Variants in ZFP82 observed in about 807,000 individuals in gnomAD.
ZFP82 encodes the protein ZFP82 zinc finger protein, also known as zinc finger protein 82 homolog.
ZFP82 carries 30 observed loss-of-function variants against 54.0 expected under a neutral mutation model. That is an observed-to-expected ratio of 0.56 (90% CI 0.42 to 0.75). The LOEUF is 0.75. ZFP82 is among the 30% of genes least tolerant of loss of function. The pLI is 0.00. For synonymous variants in ZFP82, 194 were observed against 209.5 expected (o/e 0.93, Z 0.64); for missense variants, 500 against 636.8 (o/e 0.79, Z 2.31).
chr19:36,384,385 G>A (rs1234137656), downstream of ZFP82: 2 of 152,142 alleles, frequency 1.3e-5, no homozygotes, highest in Non-Finnish European at 2.9e-5. Context: ...TCATACATCT[G>A]CCATAATGCT....
downstream of ZFP82, among the ~76,000 whole-genome samples, chr19:36,384,940 T>C (rs966248938): frequency 6.6e-6 from 1 of 152,182 alleles, no homozygotes; most frequent in Non-Finnish European, 1.5e-5. Context: ...AATCTATGAA[T>C]AGAGTGACAT....
chr19:36,391,354 TGAA>T lies in ZFP82; in HGVS notation c.*1384_*1386del, dbSNP rs370892904. ...ACAATTTAGCATTTTTAAAAAACAA[TGAA>T]GTAGTTTAAAAAATTAATGGGGCTT... On this transcript the variant is annotated 3_prime_UTR_variant, in exon 5 of 5. Transcript: ENST00000392161. 1.4e-4 allele frequency: 21 copies of T among 152,010 alleles called. No individual in the cohort carries two copies. Among genetic ancestry groups the T allele is most frequent in the African/African-American group, 4.8e-4 (20 of 41,404 alleles). 9.4% of individuals were successfully genotyped at this position (152,010 alleles called of 1,614,324 possible).
chr19:36,410,688 A>C (rs1252262790), intron 1 of ZFP82, among the ~76,000 whole-genome samples: 1 of 151,848 alleles, frequency 6.6e-6, no homozygotes, highest in East Asian at 1.9e-4. Context: ...TTTTTAGTAG[A>C]GACCAGGTTT....
At position 36,400,957 on chromosome 19, in the gene ZFP82, T is replaced by C. The variant is rs937602837; in HGVS notation, c.229+4623A>G. ...TTTCTTGACAAGCTTACCAGGATTC[T>C]CCATCTTGCTGGAACCTGGGGTCAA... On this transcript the variant is annotated intron_variant, in intron 4 of 4. Coordinates refer to ENST00000392161, the MANE Select transcript of ZFP82 (RefSeq NM_133466.4). 2.6e-5 allele frequency among the ~76,000 whole-genome samples: 4 copies of C among 152,330 alleles called. No individual in the cohort carries two copies. In the South Asian group the frequency reaches 8.3e-4, roughly 32 times the overall value.
At position 36,393,269 on chromosome 19, in the gene ZFP82, C is replaced by T; in HGVS notation, c.1071G>A (p.Gln357=). 1 of 1,613,898 alleles carries T rather than the reference C, an allele frequency of 6.2e-7. No homozygotes were observed. Among genetic ancestry groups the T allele is most frequent in the Non-Finnish European group, 8.5e-7 (1 of 1,179,976 alleles). The stretch of plus-strand genomic sequence containing the variant: ...AGGGTTTCTCACCAGTATGAATTCT[C>T]TGATGGAGTGTTAGTTGTTGTCGCA... ...FRVRQQLTLH[Q]RIHTGEKPYE... is the part of the protein sequence containing the mutation. Residue 357 remains glutamine, a synonymous_variant, in exon 5 of 5, where the codon CAG becomes CAA. Transcript: ENST00000392161.
chr19:36,394,347 G>A lies in ZFP82; in HGVS notation c.230-237C>T, dbSNP rs2032260389. 3 of 463,152 alleles carry A rather than the reference G, an allele frequency of 6.5e-6. No homozygotes were observed. The East Asian group carries it at 1.3e-4, about 20-fold the overall frequency. The allele number at this position is 463,152 out of a possible 1,614,324, so 28.7% of individuals were successfully genotyped here. A position where few individuals can be genotyped will look rare whatever the true frequency, so the allele number is the denominator to read the frequency against. ...TTAAGTCAGTGGTTCTCATATTGAG[G>A]TGTGGATCAGAATCACCACATAGCT... On this transcript the variant is annotated intron_variant, in intron 4 of 4. Coordinates refer to ENST00000392161, the MANE Select transcript of ZFP82 (RefSeq NM_133466.4).
chr19:36,397,771 A>G (rs905583804), intron 4 of ZFP82, among the ~76,000 whole-genome samples: 5 of 151,962 alleles, frequency 3.3e-5, no homozygotes, highest in African/African-American at 1.2e-4. Flanking sequence ...TACTTTTAGT[A>G]GAGACGGGAT....
At chr19:36,409,245 C>T (rs1369613838) in intron 2 of ZFP82, among the ~76,000 whole-genome samples, 1 of 152,108 alleles carries the variant, frequency 6.6e-6, no homozygotes, top group Non-Finnish European at 1.5e-5. Context: ...GGCCAACTAA[C>T]AGCAACTCTT....
chr19:36,393,330 G>A lies in ZFP82; in HGVS notation c.1010C>T (p.Pro337Leu). 1 of 1,613,882 alleles carries A rather than the reference G, an allele frequency of 6.2e-7. No homozygotes were observed. The highest frequency in any genetic ancestry group is 8.5e-7 in the Non-Finnish European group (1 of 1,179,984). ...VHHKLHTGEKPYECKECGKAF... is the reference protein window; with the variant it reads ...VHHKLHTGEKLYECKECGKAF... ...CTTCCCGCATTCCTTACATTCATAG[G>A]GTTTCTCACCAGTATGAAGTTTGTG... Residue 337 changes from proline to leucine, a missense_variant, in exon 5 of 5, where the codon CCC becomes CTC. Coordinates refer to ENST00000392161, the MANE Select transcript of ZFP82 (RefSeq NM_133466.4).
At chr19:36,396,675 A>C (rs1185281630) in intron 4 of ZFP82, among the ~76,000 whole-genome samples, 1 of 151,796 alleles carries the variant, frequency 6.6e-6, no homozygotes, top group Non-Finnish European at 1.5e-5. Context: ...TACATACATA[A>C]ATAAAGTAAT....
intron 1 of ZFP82, among the ~76,000 whole-genome samples, chr19:36,415,371 T>C (rs2967504): frequency 0.64 from 97,074 of 151,940 alleles, 31,102 homozygotes; most frequent in Admixed American, 0.68. Context: ...CTAAATATAG[T>C]TGGCAGCTTA....
At chr19:36,403,174 T>C (rs533811042) in intron 4 of ZFP82, among the ~76,000 whole-genome samples, 2 of 149,986 alleles carry the variant, frequency 1.3e-5, no homozygotes, top group South Asian at 4.2e-4. Flanking sequence ...ACAAAAAAAA[T>C]TATCCAGGCA....
intron 3 of ZFP82, among the ~76,000 whole-genome samples, chr19:36,406,029 T>C (rs896759847): frequency 6.6e-6 from 1 of 152,184 alleles, no homozygotes; most frequent in African/African-American, 2.4e-5. Flanking sequence ...GGGATAATCA[T>C]AGTACTTATC....
rs114627398 is a variant in ZFP82 at position 36,393,749 on chromosome 19, C to A, written c.591G>T (p.Pro197=). Residue 197 remains proline (P), a synonymous_variant, in exon 5 of 5, where the codon CCG becomes CCT. Transcript: ENST00000392161. Reference sequence around the variant, plus strand: ...CCATCCCACATTCCTTACATTCATACGGTTTTTCACCAGTATGAATTCTGT... The same window carrying A: ...CCATCCCACATTCCTTACATTCATAAGGTTTTTCACCAGTATGAATTCTGT... The part of the protein sequence containing the change: ...FHHRIHTGEK[P]YECKECGMAF... 3,660 of 1,613,380 alleles carry A rather than the reference C, an allele frequency of 2.3e-3. 66 individuals are homozygous for A. The African/African-American group carries it at 0.041, about 18-fold the overall frequency.
At position 36,392,915 on chromosome 19, in the gene ZFP82, T is replaced by G. The variant is rs962396976; in HGVS notation, c.1425A>C (p.Glu475Asp). ...LTLHQSIHTG[E>D]KPFECKECRK... The stretch of plus-strand genomic sequence containing the variant: ...TACATTCCTTACACTCAAAGGGTTT[T>G]TCGCCAGTATGAATGCTCTGATGTA... The change falls in exon 5 of 5, where the codon GAA becomes GAC. Residue 475 changes from glutamate to aspartate, a missense_variant. Transcript: ENST00000392161. The G allele has an allele frequency of 6.2e-7, 1 of 1,613,766 alleles. No homozygotes were observed. The highest frequency in any genetic ancestry group is 8.5e-7 in the Non-Finnish European group (1 of 1,179,860).
intron 4 of ZFP82, among the ~76,000 whole-genome samples, chr19:36,402,197 A>ATTAG (rs1345991404): frequency 6.6e-6 from 1 of 152,200 alleles, no homozygotes; most frequent in Non-Finnish European, 1.5e-5. Context: ...GGCCGGGCAC[A>ATTAG]GTGGCTCACG....
At chr19:36,410,475 T>TTTG (rs1018489672) in intron 1 of ZFP82, among the ~76,000 whole-genome samples, 1 of 149,686 alleles carries the variant, frequency 6.7e-6, no homozygotes, top group East Asian at 2.2e-4. Flanking sequence ...ATATATATAT[T>TTTG]TTGTTGTTGT....
At chr19:36,396,348 C>T (rs560197356) in intron 4 of ZFP82, among the ~76,000 whole-genome samples, 1 of 152,052 alleles carries the variant, frequency 6.6e-6, no homozygotes, top group Admixed American at 6.6e-5. Flanking sequence ...AAGACCTCAT[C>T]TCTAAAAATA....
At chr19:36,395,134 C>A (rs1315521334) in intron 4 of ZFP82, 1 of 152,216 alleles carries the variant, frequency 6.6e-6, no homozygotes, top group East Asian at 1.9e-4. Context: ...TCCTATGCAT[C>A]TGCCACTGCT....
Sources: gnomAD v4.1 joint callset for allele counts (sites outside exome capture counted in the v4.1 genomes callset) on GRCh38, gnomAD v4.1.1 for gene constraint, MANE v1.5 for transcripts, NCBI Gene and HGNC (gene_info 2026-07-23, HGNC 2026-07-21) for gene names.